The following PGLYRP4 variants were observed in gnomAD, a reference collection of about 807,000 sequenced individuals.
The protein encoded by PGLYRP4 is PGRP-I-beta.
PGLYRP4 carries 39 observed loss-of-function variants against 41.2 expected under a neutral mutation model. The observed-to-expected ratio is 0.95, with a 90% CI of 0.73 to 1.24. The LOEUF (loss-of-function observed/expected upper bound fraction) is 1.24. Among genes scored for constraint, PGLYRP4 ranks in the 50% most tolerant of loss-of-function variants. The pLI is 0.00. For synonymous variants in PGLYRP4, 202 were observed against 186.8 expected, an observed-to-expected ratio of 1.08 and a Z score of -0.66; for missense variants, 467 against 460.7, an observed-to-expected ratio of 1.01 and a Z score of -0.13.
chr1:153,347,683 G>GT (rs1661075615), intron 2 of PGLYRP4, among the ~76,000 whole-genome samples: 1 of 151,952 alleles, frequency 6.6e-6, no homozygotes, highest in African/African-American at 2.4e-5. Flanking sequence ...AGAGAGAGTA[G>GT]TTTTTTTTGT....
chr1:153,337,119 C>G, intron 8 of PGLYRP4, 62 bp downstream of exon 8: 1 of 1,174,132 alleles, frequency 8.5e-7, no homozygotes, highest in Non-Finnish European at 1.3e-6. Context: ...CTTTGTCTTC[C>G]ATGTCAGATG....
intron 8 of PGLYRP4, among the ~76,000 whole-genome samples, chr1:153,335,143 A>G (rs978264483): frequency 9.9e-5 from 15 of 151,410 alleles, no homozygotes. Context: ...TAGGCAAAGC[A>G]TTTATGACTA....
chr1:153,343,647 C>T (rs1272912452), intron 4 of PGLYRP4, among the ~76,000 whole-genome samples: 1 of 152,160 alleles, frequency 6.6e-6, no homozygotes, highest in East Asian at 1.9e-4. Context: ...ATAGACTTCC[C>T]AAGAAATAGC....
In PGLYRP4 at chr1:153,341,807, T is replaced by C. The variant is rs1660815604; in HGVS notation, c.473-28A>G. Reference sequence around the variant, plus strand: ...AGAAGAGAGAAATCTGTGGGAAACCTCCACCCAGCCTGAGTTTCAGGGGAT... The same window carrying C: ...AGAAGAGAGAAATCTGTGGGAAACCCCCACCCAGCCTGAGTTTCAGGGGAT... On this transcript the variant is annotated intron_variant, in intron 5 of 8. Coordinates refer to ENST00000359650, the MANE Select transcript of PGLYRP4 (RefSeq NM_020393.4). The C allele has an allele frequency of 3.8e-5, 61 of 1,597,006 alleles. No individual in the cohort carries two copies. The East Asian group carries it at 1.4e-3, about 36-fold the overall frequency.
Position 153,340,428 on chromosome 1 carries a change from G to C in PGLYRP4, c.777C>G (p.Ile259Met). Residue 259 changes from isoleucine to methionine, a missense_variant, in exon 7 of 9, where the codon ATC becomes ATG. Transcript: ENST00000359650. Reference sequence around the variant, plus strand: ...TGAGCCTGTCTATGTAGAAAGACTGGATGTCCCGGACCAGCAGGCGGCACT... The same window carrying C: ...TGAGCCTGTCTATGTAGAAAGACTGCATGTCCCGGACCAGCAGGCGGCACT... ...SDECRLLVRDIQSFYIDRLKS... is the reference protein window; with the variant it reads ...SDECRLLVRDMQSFYIDRLKS... 1.2e-6 allele frequency: 2 copies of C among 1,614,170 alleles called. No homozygotes were observed. The highest frequency in any genetic ancestry group is 1.7e-6 in the Non-Finnish European group (2 of 1,180,044).
In PGLYRP4 at chr1:153,337,162, G is replaced by A; in HGVS notation, c.943+19C>T. The stretch of plus-strand genomic sequence containing the variant: ...TCAAATACCATGCAATGACCCTACT[G>A]ACCAAAGCATCCACTTACCTGTGAA... On this transcript the variant is annotated intron_variant, in intron 8 of 8. Coordinates refer to ENST00000359650, the MANE Select transcript of PGLYRP4 (RefSeq NM_020393.4). 6.7e-7 allele frequency: 1 copy of A among 1,500,870 alleles called. No homozygotes were observed. The highest frequency in any genetic ancestry group is 9.3e-7 in the Non-Finnish European group (1 of 1,077,002). The allele number at this position is 1,500,870 out of a possible 1,614,324, so 93.0% of individuals were successfully genotyped here. A position where few individuals can be genotyped will look rare whatever the true frequency, so the allele number is the denominator to read the frequency against.
chr1:153,330,954 C>T lies in PGLYRP4; in HGVS notation c.944-9G>A. ...AGCATTGGGTGGTATACCTGCAAAA[C>T]ACAGCAGCCCATTGTCTACAGGATT... is the stretch of plus-strand genomic sequence containing the variant. On this transcript the variant is annotated splice_polypyrimidine_tract_variant and intron_variant, in intron 8 of 8. Transcript: ENST00000359650. The T allele has an allele frequency of 6.2e-7, 1 of 1,608,554 alleles. No individual in the cohort carries two copies. The highest frequency in any genetic ancestry group is 8.5e-7 in the Non-Finnish European group (1 of 1,176,104).
intron 2 of PGLYRP4, 99 bp downstream of exon 2, chr1:153,347,785 C>T (rs1436071541): frequency 3.4e-6 from 3 of 888,446 alleles, no homozygotes; most frequent in East Asian, 2.6e-5. Context: ...CCTTGAACTC[C>T]TCAGGCTCAG....
intron 5 of PGLYRP4, among the ~76,000 whole-genome samples, chr1:153,342,397 C>A (rs531596332): frequency 1.3e-5 from 2 of 152,314 alleles, no homozygotes; most frequent in African/African-American, 4.8e-5. Flanking sequence ...GGGTCATCGA[C>A]CTCTCTGAAA....
intron 8 of PGLYRP4, among the ~76,000 whole-genome samples, chr1:153,336,016 G>T (rs894921798): frequency 6.8e-6 from 1 of 146,130 alleles, no homozygotes. Context: ...ATCAATGGAT[G>T]ACTGAATAAA....
At chr1:153,346,013 T>C (rs1361757459) in intron 3 of PGLYRP4, 89 bp downstream of exon 3, 3 of 932,900 alleles carry the variant, frequency 3.2e-6, no homozygotes, top group Non-Finnish European at 3.5e-6. Flanking sequence ...CCCAGTCACA[T>C]GTGGCTTTGC....
At position 153,335,552 on chromosome 1, in the gene PGLYRP4, C is replaced by T. The variant is rs182529417; in HGVS notation, c.943+1629G>A. Among the ~76,000 whole-genome samples, 706 of 150,178 alleles carry T rather than the reference C, an allele frequency of 4.7e-3. 12 individuals carry two copies. The highest frequency in any genetic ancestry group is 2.8e-3 in the Non-Finnish European group (188 of 67,996). ...CCATCCTAGCCAACATGGTGAAACC[C>T]TGTCTCTACTAAAAATTAAAAAATT... is the stretch of plus-strand genomic sequence containing the variant. On this transcript the variant is annotated intron_variant, in intron 8 of 8. Coordinates refer to ENST00000359650, the MANE Select transcript of PGLYRP4 (RefSeq NM_020393.4).
Position 153,343,085 on chromosome 1 carries a change from G to T in PGLYRP4, c.472+5C>A. 1 of 1,562,366 alleles carries T rather than the reference G, an allele frequency of 6.4e-7. No homozygotes were observed. The highest frequency in any genetic ancestry group is 8.8e-7 in the Non-Finnish European group (1 of 1,132,890). On this transcript the variant is annotated splice_donor_5th_base_variant and intron_variant, in intron 5 of 8. Transcript: ENST00000359650. The stretch of plus-strand genomic sequence containing the variant: ...TTGGAGAAGGTCAGCTGTGATAACT[G>T]TTACCTTTCTTAGTGCCAAAGAAGG...
At chr1:153,345,526 A>G (rs1358876961) in intron 3 of PGLYRP4, 144 bp from the exon 4 acceptor site, 2 of 670,244 alleles carry the variant, frequency 3.0e-6, no homozygotes, top group Non-Finnish European at 5.3e-6. Context: ...ACCTCTACAT[A>G]CCCATCTCTC....
At chr1:153,334,468 T>TATATATATATTTTTATATATATATA (rs1275488427) in intron 8 of PGLYRP4, among the ~76,000 whole-genome samples, 31 of 142,530 alleles carry the variant, frequency 2.2e-4, no homozygotes, top group Non-Finnish European at 3.2e-4. Context: ...ATATATTTAT[T>TATATATATATTTTTATATATATATA]TATATATATT....
At chr1:153,345,962 T>TA in intron 3 of PGLYRP4, 140 bp downstream of exon 3, 1 of 702,176 alleles carries the variant, frequency 1.4e-6, no homozygotes. Context: ...GCAGGTGGTT[T>TA]ACTGGTACTG....
At chr1:153,347,060 G>A (rs12061470) in intron 2 of PGLYRP4, among the ~76,000 whole-genome samples, 11,477 of 152,040 alleles carry the variant, frequency 0.075, 573 homozygotes, top group African/African-American at 0.14. Context: ...GGATTTTTTC[G>A]TTTTGTTTTG....
intron 3 of PGLYRP4, among the ~76,000 whole-genome samples, chr1:153,345,666 C>A (rs1660980910): frequency 6.6e-6 from 1 of 152,232 alleles, no homozygotes; most frequent in African/African-American, 2.4e-5. Context: ...GGAAGCATCA[C>A]CTGCTTATCC....
intron 2 of PGLYRP4, among the ~76,000 whole-genome samples, chr1:153,347,043 T>C (rs1661038719): frequency 6.6e-6 from 1 of 152,030 alleles, no homozygotes; most frequent in Admixed American, 6.6e-5. Context: ...AGAGAGTAGG[T>C]TTTGGGGGAT....
Sources: gnomAD v4.1 joint callset for allele counts (sites outside exome capture counted in the v4.1 genomes callset) on GRCh38, gnomAD v4.1.1 for gene constraint, MANE v1.5 for transcripts, NCBI Gene and HGNC (gene_info 2026-07-23, HGNC 2026-07-21) for gene names.